Variants in LEKR1 observed in about 807,000 individuals in gnomAD.
The protein encoded by LEKR1 is leucine, glutamate and lysine rich 1.
LEKR1 carries 59 observed loss-of-function variants against 72.4 expected under a neutral mutation model. The ratio of observed to expected loss-of-function variants is 0.82; its 90% CI spans 0.66 to 1.01. The LOEUF is 1.01. Among genes scored for constraint, LEKR1 ranks in the 50% least tolerant of loss-of-function variants. LEKR1 has a pLI of 0.00. For missense variants in LEKR1, 728 were observed against 759.2 expected (o/e 0.96, Z 0.48); for synonymous variants, 257 against 263.2 (o/e 0.98, Z 0.23).
chr3:156,999,573 G>C (rs1018161586), intron 9 of LEKR1, among the ~76,000 whole-genome samples: 9 of 152,156 alleles, frequency 5.9e-5, no homozygotes, highest in Non-Finnish European at 1.0e-4. Context: ...TCAGTGGAAG[G>C]GCTAAGGGGG....
chr3:156,935,704 C>T (rs1725633436), intron 5 of LEKR1, among the ~76,000 whole-genome samples: 1 of 152,128 alleles, frequency 6.6e-6, no homozygotes, highest in Non-Finnish European at 1.5e-5. Flanking sequence ...GCATGCAGAC[C>T]TTCGCTTTCC....
At chr3:156,919,651 G>C (rs1351955405) in intron 3 of LEKR1, among the ~76,000 whole-genome samples, 1 of 152,094 alleles carries the variant, frequency 6.6e-6, no homozygotes, top group Non-Finnish European at 1.5e-5. Flanking sequence ...ATTTATATTA[G>C]AAATAGATTA....
chr3:156,839,293 G>A (rs560299052), intron 2 of LEKR1, among the ~76,000 whole-genome samples: 1 of 152,330 alleles, frequency 6.6e-6, no homozygotes, highest in East Asian at 1.9e-4. Flanking sequence ...CTGAAGTCAG[G>A]AAGTACCTCA....
intron 3 of LEKR1, among the ~76,000 whole-genome samples, chr3:156,871,929 T>C (rs191976833): frequency 6.6e-6 from 1 of 152,124 alleles, no homozygotes; most frequent in Non-Finnish European, 1.5e-5. Context: ...CTGTTTTTTT[T>C]ATCAGGGTAA....
intron 3 of LEKR1, among the ~76,000 whole-genome samples, chr3:156,904,502 C>T: frequency 6.7e-6 from 1 of 150,250 alleles, no homozygotes; most frequent in Non-Finnish European, 1.5e-5. Flanking sequence ...TATTTATTCC[C>T]AGGCTGGAGT....
At chr3:156,930,109 A>T (rs939104748) in intron 5 of LEKR1, among the ~76,000 whole-genome samples, 10 of 152,184 alleles carry the variant, frequency 6.6e-5, no homozygotes, top group African/African-American at 2.4e-4. Context: ...TGCATACCAA[A>T]TTATGCATGG....
intron 7 of LEKR1, among the ~76,000 whole-genome samples, chr3:156,986,909 C>A (rs900107884): frequency 6.6e-6 from 1 of 152,046 alleles, no homozygotes; most frequent in Non-Finnish European, 1.5e-5. Flanking sequence ...AGTTGAGATG[C>A]CTTTGAGACT....
At chr3:156,918,912 A>G (rs1723915808) in intron 3 of LEKR1, among the ~76,000 whole-genome samples, 1 of 152,134 alleles carries the variant, frequency 6.6e-6, no homozygotes, top group African/African-American at 2.4e-5. Flanking sequence ...TTTGAGCCTC[A>G]AGGCAGCATT....
chr3:156,968,213 T>A (rs1728809923), intron 6 of LEKR1, among the ~76,000 whole-genome samples: 1 of 152,112 alleles, frequency 6.6e-6, no homozygotes, highest in Non-Finnish European at 1.5e-5. Flanking sequence ...AGAAACTGCA[T>A]CAACTAACGA....
intron 9 of LEKR1, among the ~76,000 whole-genome samples, chr3:156,997,880 A>C (rs1345383460): frequency 6.6e-6 from 1 of 152,244 alleles, no homozygotes; most frequent in African/African-American, 2.4e-5. Flanking sequence ...GGGCATTGCT[A>C]TCTTCCCCAC....
At chr3:157,036,271 A>G (rs566745037) in intron 12 of LEKR1, among the ~76,000 whole-genome samples, 1 of 152,148 alleles carries the variant, frequency 6.6e-6, no homozygotes, top group African/African-American at 2.4e-5. Flanking sequence ...AAAAAGAACA[A>G]GAGTGAATAT....
chr3:156,966,423 T>C (rs9836281), intron 6 of LEKR1, among the ~76,000 whole-genome samples: 92,979 of 151,982 alleles, frequency 0.61, 29,588 homozygotes, highest in Admixed American at 0.74. Flanking sequence ...TCGTGTCACT[T>C]CCACCCTAAT....
intron 7 of LEKR1, among the ~76,000 whole-genome samples, chr3:156,982,641 G>A (rs1012407634): frequency 2.0e-5 from 3 of 152,116 alleles, no homozygotes; most frequent in African/African-American, 7.2e-5. Flanking sequence ...TGCTAAAGAG[G>A]TAGAGCTTTA....
chr3:156,917,129 A>G, intron 3 of LEKR1, among the ~76,000 whole-genome samples: 1 of 152,156 alleles, frequency 6.6e-6, no homozygotes, highest in Admixed American at 6.6e-5. Flanking sequence ...AGAATAAGAA[A>G]GAAATTTTGG....
intron 2 of LEKR1, among the ~76,000 whole-genome samples, chr3:156,834,710 C>A (rs1712880870): frequency 6.6e-6 from 1 of 152,082 alleles, no homozygotes; most frequent in South Asian, 2.1e-4. Context: ...CCAGATCTTA[C>A]CTAAAATCTA....
At chr3:156,947,092 ATTG>A (rs1726754185) in intron 6 of LEKR1, among the ~76,000 whole-genome samples, 2 of 149,828 alleles carry the variant, frequency 1.3e-5, no homozygotes, top group Admixed American at 6.7e-5. Flanking sequence ...GATCTTTTGT[ATTG>A]TTTTCTTCAG....
chr3:156,981,992 A>G (rs1730246865), intron 7 of LEKR1, among the ~76,000 whole-genome samples: 1 of 152,218 alleles, frequency 6.6e-6, no homozygotes, highest in Admixed American at 6.5e-5. Flanking sequence ...GTGTTGTTTA[A>G]AGATTTTTAA....
At chr3:156,944,393 C>T (rs868791494) in intron 6 of LEKR1, among the ~76,000 whole-genome samples, 1 of 151,738 alleles carries the variant, frequency 6.6e-6, no homozygotes, top group Middle Eastern at 3.4e-3. Flanking sequence ...AGCATTTGTC[C>T]TTTCTTTGTT....
At chr3:156,861,950 T>C (rs28661978) in intron 3 of LEKR1, among the ~76,000 whole-genome samples, 24,286 of 152,014 alleles carry the variant, frequency 0.16, 2,230 homozygotes, top group South Asian at 0.25. Context: ...ATTTCTTCTC[T>C]CCATGAACAT....
Sources: gnomAD v4.1 joint callset for allele counts (sites outside exome capture counted in the v4.1 genomes callset) on GRCh38, gnomAD v4.1.1 for gene constraint, MANE v1.5 for transcripts, NCBI Gene and HGNC (gene_info 2026-07-23, HGNC 2026-07-21) for gene names.